Variants in NLRP1 observed in about 807,000 individuals in gnomAD.
NLRP1 encodes the protein NLR family pyrin domain containing 1, also known as NACHT, LRR and PYD domains-containing protein 1.
In NLRP1, 94 loss-of-function variants were observed where a neutral mutation model predicts 136.7. The ratio of observed to expected loss-of-function variants is 0.69; its 90% CI spans 0.58 to 0.82. The LOEUF is 0.82. Ranked by LOEUF, NLRP1 falls within the 40% of genes least tolerant of loss-of-function variation. The pLI, the probability that NLRP1 is intolerant of heterozygous loss-of-function variation, is 0.00. For synonymous variants in NLRP1, 690 were observed against 725.1 expected (o/e 0.95, Z 0.78); for missense variants, 1,575 against 1,802.7 (o/e 0.87, Z 2.29).
chr17:5,558,671 C>T lies in NLRP1; in HGVS notation c.2025G>A (p.Leu675=). The T allele has an allele frequency of 6.2e-7, 1 of 1,614,086 alleles. No individual in the cohort carries two copies. The highest frequency in any genetic ancestry group is 8.5e-7 in the Non-Finnish European group (1 of 1,179,998). ...LFGASTTRFL[L]GLLSDEGERE... ...TCTCCCCCTCATCACTTAACAGGCCCAATAGGAAACGTGTGGTTGATGCCC... is the reference window on the plus strand; with the variant it reads ...TCTCCCCCTCATCACTTAACAGGCCTAATAGGAAACGTGTGGTTGATGCCC... The change falls in exon 4 of 17, where the codon TTG becomes TTA. Residue 675 remains leucine, a synonymous_variant. Coordinates refer to ENST00000572272, the MANE Select transcript of NLRP1 (RefSeq NM_033004.4).
chr17:5,574,287 C>T (rs530211029), intron 3 of NLRP1, among the ~76,000 whole-genome samples: 26 of 152,264 alleles, frequency 1.7e-4, no homozygotes, highest in African/African-American at 6.3e-4. Context: ...AACAAAGCCT[C>T]CAAGAAATAT....
intron 10 of NLRP1, 154 bp downstream of exon 10, chr17:5,533,149 TG>T: frequency 6.9e-7 from 1 of 1,449,692 alleles, no homozygotes; most frequent in Non-Finnish European, 9.2e-7. Context: ...GCCTGCTGTC[TG>T]GGGAGCCCCA....
In NLRP1 at chr17:5,559,533, C is replaced by T. The variant is rs200474943; in HGVS notation, c.1163G>A (p.Gly388Glu). 2.6e-4 allele frequency: 422 copies of T among 1,614,130 alleles called. No homozygotes were observed. The African/African-American group carries it at 4.8e-3, about 19-fold the overall frequency. Residue 388 changes from glycine to glutamate, a missense_variant, in exon 4 of 17, where the codon GGG becomes GAG. Transcript: ENST00000572272. ...TCTAATGGGAGCCGGAGTGGCTGTC[C>T]CATCTTTTCCGATGAGCTCAGCGAG... is the stretch of plus-strand genomic sequence containing the variant. ...VSLAELIGKDGTATPAPIRQI... is the reference protein window; with the variant it reads ...VSLAELIGKDETATPAPIRQI...
intron 12 of NLRP1, chr17:5,529,987 T>C (rs538207264): frequency 2.2e-6 from 1 of 456,782 alleles, no homozygotes; most frequent in South Asian, 1.5e-5. Context: ...GATTACTATC[T>C]TCTATGGGAA....
rs142270602 is a variant in NLRP1 at position 5,578,523 on chromosome 17, C to G, written c.652+3336G>C. Among the ~76,000 whole-genome samples, 1,417 of 152,322 alleles carry G rather than the reference C, an allele frequency of 9.3e-3. 21 individuals carry two copies. Among genetic ancestry groups the G allele is most frequent in the African/African-American group, 0.032 (1,344 of 41,554 alleles). ...ACATATGAAAAAATGCTCATCATCA[C>G]TGGCCATTAGAGAAATGCAAATCAA... On this transcript the variant is annotated intron_variant, in intron 3 of 16. Transcript: ENST00000572272.
At chr17:5,550,752 A>T (rs1008297964) in intron 5 of NLRP1, among the ~76,000 whole-genome samples, 2 of 152,004 alleles carry the variant, frequency 1.3e-5, no homozygotes, top group Non-Finnish European at 2.9e-5. Flanking sequence ...TTTGCTTTTT[A>T]AAAAAATTTC....
At chr17:5,564,067 T>G (rs892541608) in intron 3 of NLRP1, among the ~76,000 whole-genome samples, 1 of 152,190 alleles carries the variant, frequency 6.6e-6, no homozygotes, top group African/African-American at 2.4e-5. Context: ...TTTAAAAATT[T>G]TGTGGATATG....
chr17:5,535,794 G>A (rs1030529523), intron 8 of NLRP1, among the ~76,000 whole-genome samples: 2 of 152,226 alleles, frequency 1.3e-5, no homozygotes, highest in African/African-American at 4.8e-5. Flanking sequence ...GGGGACAGAT[G>A]AGCTTCATGG....
intron 4 of NLRP1, 121 bp downstream of exon 4, chr17:5,558,217 AC>A: frequency 4.1e-6 from 4 of 984,760 alleles, no homozygotes; most frequent in Non-Finnish European, 6.1e-6. Flanking sequence ...GTCACTGGAG[AC>A]CCTGATCCTT....
intron 12 of NLRP1, among the ~76,000 whole-genome samples, chr17:5,522,600 A>C (rs966070990): frequency 1.3e-5 from 2 of 152,220 alleles, no homozygotes; most frequent in Non-Finnish European, 2.9e-5. Flanking sequence ...CATGGGGAAG[A>C]GGGCATTTCT....
intron 15 of NLRP1, chr17:5,502,005 T>A: frequency 1.3e-6 from 1 of 764,978 alleles, no homozygotes; most frequent in Non-Finnish European, 2.3e-6. Context: ...CTCCTGCAAG[T>A]GAAAGGCCCC....
At chr17:5,547,167 T>C (rs1490786750) in intron 5 of NLRP1, among the ~76,000 whole-genome samples, 2 of 152,130 alleles carry the variant, frequency 1.3e-5, no homozygotes, top group African/African-American at 2.4e-5. Flanking sequence ...GTACATAGCA[T>C]ACATGGTCCT....
chr17:5,548,174 G>T (rs1912912168), intron 5 of NLRP1, among the ~76,000 whole-genome samples: 4 of 152,150 alleles, frequency 2.6e-5, no homozygotes. Flanking sequence ...TGAAGATCTT[G>T]CCTTTTCCAA....
intron 15 of NLRP1, among the ~76,000 whole-genome samples, chr17:5,508,227 G>A (rs1012844603): frequency 6.6e-6 from 1 of 152,148 alleles, no homozygotes; most frequent in Non-Finnish European, 1.5e-5. Flanking sequence ...GAACCTAGGA[G>A]GCCGAGGTTG....
At chr17:5,582,603 T>G in intron 2 of NLRP1, 67 bp downstream of exon 2, 1 of 1,492,110 alleles carries the variant, frequency 6.7e-7, no homozygotes, top group Non-Finnish European at 9.2e-7. Flanking sequence ...CATGATCCTC[T>G]GGGTGGGGCC....
rs56872041 is a variant in NLRP1, at chr17:5,530,521, A to G, written c.3480T>C (p.Ala1160=). The change falls in exon 12 of 17, where the codon GCT becomes GCC. Residue 1160 remains alanine, a synonymous_variant. Transcript: ENST00000572272. ...AGTGAGGGAGGTGCACAGCTTCCAC[A>G]GCTCCAGGCTCAGCCTTGATGTCCA... ...PLLDIKAEPG[A]VEAVHLPHFV... The G allele has an allele frequency of 0.049, 79,248 of 1,614,104 alleles. 2,203 individuals are homozygous for G. Among genetic ancestry groups the G allele is most frequent in the Middle Eastern group, 0.083 (503 of 6,050 alleles).
chr17:5,571,150 A>C (rs1351095779), intron 3 of NLRP1, among the ~76,000 whole-genome samples: 1 of 152,220 alleles, frequency 6.6e-6, no homozygotes, highest in Non-Finnish European at 1.5e-5. Context: ...CACAGCCAAC[A>C]TCACACTGAA....
chr17:5,584,125 G>A lies in NLRP1; in HGVS notation c.-168C>T, dbSNP rs189567580. On this transcript the variant is annotated 5_prime_UTR_variant, in exon 1 of 17. Transcript: ENST00000572272. Reference sequence around the variant, plus strand: ...GCACCTACAGATAGACGCCGATAGAGGGGGAGTGGTAGGAAAAGCCAGGGG... The same window carrying A: ...GCACCTACAGATAGACGCCGATAGAAGGGGAGTGGTAGGAAAAGCCAGGGG... The A allele has an allele frequency of 2.3e-3, 1,572 of 671,908 alleles. 4 individuals are homozygous for A. The highest frequency in any genetic ancestry group is 3.6e-3 in the Non-Finnish European group (1,435 of 403,446). The allele number at this position is 671,908 out of a possible 1,614,324, so 41.6% of individuals were successfully genotyped here. A position where few individuals can be genotyped will look rare whatever the true frequency, so the allele number is the denominator to read the frequency against.
At chr17:5,557,847 A>C (rs1914261198) in intron 4 of NLRP1, among the ~76,000 whole-genome samples, 1 of 152,184 alleles carries the variant, frequency 6.6e-6, no homozygotes, top group African/African-American at 2.4e-5. Context: ...TGCAGGGAAA[A>C]ATAGGAAACT....
Sources: allele counts gnomAD v4.1 joint callset (sites outside exome capture counted in the v4.1 genomes callset), GRCh38; gene constraint gnomAD v4.1.1; transcripts MANE v1.5; gene names NCBI Gene and HGNC (gene_info 2026-07-23, HGNC 2026-07-21).